Variants in HTR4 observed in about 807,000 individuals in gnomAD.
The protein encoded by HTR4 is 5-hydroxytryptamine (serotonin) receptor 4, G protein-coupled.
In HTR4, 16 loss-of-function variants were observed where a neutral mutation model predicts 36.8. The observed-to-expected ratio is 0.43, with a 90% CI of 0.29 to 0.66. HTR4 has a LOEUF of 0.66. HTR4 is among the 30% of genes least tolerant of loss of function. The probability of loss-of-function intolerance (pLI) is 0.13; values close to 1 mark genes in which losing one functional copy is unlikely to be tolerated. For missense variants in HTR4, 438 were observed against 490.9 expected, an observed-to-expected ratio of 0.89 and a Z score of 1.02; for synonymous variants, 189 against 185.1, an observed-to-expected ratio of 1.02 and a Z score of -0.17.
chr5:148,495,704 A>G (rs1410337784), intron 6 of HTR4, among the ~76,000 whole-genome samples: 1 of 152,204 alleles, frequency 6.6e-6, no homozygotes, highest in Non-Finnish European at 1.5e-5. Context: ...ATGTCTTCCA[A>G]GTGGGGAGAG....
intron 2 of HTR4, among the ~76,000 whole-genome samples, chr5:148,577,892 A>C (rs1269087853): frequency 6.6e-6 from 1 of 151,964 alleles, no homozygotes; most frequent in Non-Finnish European, 1.5e-5. Context: ...CTGGGTGATG[A>C]AATAATCTGT....
At chr5:148,579,956 C>T (rs989242730) in intron 2 of HTR4, among the ~76,000 whole-genome samples, 6 of 151,958 alleles carry the variant, frequency 3.9e-5, no homozygotes, top group Admixed American at 2.6e-4. Flanking sequence ...GATTTTGGAA[C>T]CTTAATATTA....
At chr5:148,609,451 G>A (rs1279301300) in intron 2 of HTR4, among the ~76,000 whole-genome samples, 1 of 152,102 alleles carries the variant, frequency 6.6e-6, no homozygotes, top group Non-Finnish European at 1.5e-5. Context: ...AAAATATAAG[G>A]CAAATACTTA....
chr5:148,506,470 C>G (rs1757221347), intron 6 of HTR4, among the ~76,000 whole-genome samples: 1 of 152,140 alleles, frequency 6.6e-6, no homozygotes, highest in South Asian at 2.1e-4. Flanking sequence ...TGGGCAAGGA[C>G]TACATGTCTA....
intron 5 of HTR4, among the ~76,000 whole-genome samples, chr5:148,464,785 T>C (rs1347461958): frequency 6.6e-6 from 1 of 152,194 alleles, no homozygotes; most frequent in Non-Finnish European, 1.5e-5. Flanking sequence ...CACACATGTA[T>C]ACAGGAGCTT....
In HTR4 at chr5:148,637,053, C is replaced by T. The variant is rs771017047; in HGVS notation, c.-39G>A. On this transcript the variant is annotated 5_prime_UTR_variant, in exon 2 of 7. Transcript: ENST00000377888. The stretch of plus-strand genomic sequence containing the variant: ...CATGAGTGAGTTGGATTTCAATGCC[C>T]ACAGGGTCCTAAAATGGGGGAAGTA... 19 of 1,605,680 alleles carry T rather than the reference C, an allele frequency of 1.2e-5. No homozygotes were observed. Among genetic ancestry groups the T allele is most frequent in the Non-Finnish European group, 1.5e-5 (18 of 1,173,242 alleles).
intron 2 of HTR4, among the ~76,000 whole-genome samples, chr5:148,591,399 T>C (rs142024340): frequency 1.8e-3 from 267 of 152,302 alleles, no homozygotes; most frequent in Middle Eastern, 6.8e-3. Flanking sequence ...AGAAATAACA[T>C]TGAATCTGTA....
intron 5 of HTR4, among the ~76,000 whole-genome samples, chr5:148,457,941 AAG>A (rs1491161988): frequency 7.3e-6 from 1 of 137,000 alleles, no homozygotes; most frequent in Non-Finnish European, 1.5e-5. Context: ...ATTATATTTT[AAG>A]ATATATTAAA....
At chr5:148,559,034 T>C (rs780983519) in intron 2 of HTR4, among the ~76,000 whole-genome samples, 1 of 152,164 alleles carries the variant, frequency 6.6e-6, no homozygotes, top group African/African-American at 2.4e-5. Context: ...TCAGAAAGCT[T>C]ACATGGGCCT....
chr5:148,451,645 C>A (rs979268585), intron 5 of HTR4, among the ~76,000 whole-genome samples: 7 of 152,142 alleles, frequency 4.6e-5, no homozygotes, highest in African/African-American at 1.7e-4. Flanking sequence ...TATGTCCTAT[C>A]TACCAGGGAT....
At chr5:148,500,966 G>A (rs1196914534) in intron 6 of HTR4, among the ~76,000 whole-genome samples, 1 of 152,070 alleles carries the variant, frequency 6.6e-6, no homozygotes, top group African/African-American at 2.4e-5. Context: ...TTTTAAATGA[G>A]CATACCTGTC....
downstream of HTR4, among the ~76,000 whole-genome samples, chr5:148,473,818 G>T (rs1368753984): frequency 6.6e-6 from 1 of 152,106 alleles, no homozygotes; most frequent in East Asian, 1.9e-4. Flanking sequence ...CAAAATGCAA[G>T]GTGGAATCAC....
chr5:148,537,950 C>T (rs1358245132), intron 4 of HTR4, among the ~76,000 whole-genome samples: 2 of 152,028 alleles, frequency 1.3e-5, no homozygotes, highest in South Asian at 2.1e-4. Context: ...AGGCCAGTAT[C>T]CTTACATGAA....
chr5:148,525,581 G>A (rs1482384940), intron 4 of HTR4, among the ~76,000 whole-genome samples: 1 of 152,172 alleles, frequency 6.6e-6, no homozygotes, highest in Non-Finnish European at 1.5e-5. Flanking sequence ...AGTCAGCAGA[G>A]GGCTTTTTAT....
intron 5 of HTR4, 71 bp from the exon 6 acceptor site, chr5:148,510,095 G>GA (rs1427837082): frequency 5.4e-6 from 5 of 932,566 alleles, no homozygotes; most frequent in Non-Finnish European, 8.0e-6. Flanking sequence ...AAAGAAGTGG[G>GA]AAAAATGGGG....
Position 148,600,025 on chromosome 5 carries a change from A to G in HTR4, c.26+36964T>C, listed in dbSNP as rs1257984272. On this transcript the variant is annotated intron_variant, in intron 2 of 6. Coordinates refer to ENST00000377888, the MANE Select transcript of HTR4 (RefSeq NM_000870.7). ...TCAATAAAGGAGAAAAAGCAATAAT[A>G]AAAGACAAATTTTTAGTCCAAAATA... Among the ~76,000 whole-genome samples the G allele has an allele frequency of 2.0e-5, 3 of 151,654 alleles. No homozygotes were observed. In the East Asian group the frequency reaches 5.8e-4, roughly 29 times the overall value.
At chr5:148,599,149 G>A (rs1416230547) in intron 2 of HTR4, among the ~76,000 whole-genome samples, 1 of 152,136 alleles carries the variant, frequency 6.6e-6, no homozygotes, top group Non-Finnish European at 1.5e-5. Flanking sequence ...CGATAGATGA[G>A]ATACATTGAA....
At chr5:148,454,129 C>G (rs941365842) in intron 5 of HTR4, among the ~76,000 whole-genome samples, 3 of 152,166 alleles carry the variant, frequency 2.0e-5, no homozygotes, top group African/African-American at 7.2e-5. Flanking sequence ...AACCTAGTTC[C>G]CATTCAGGCT....
chr5:148,625,190 A>T lies in HTR4; in HGVS notation c.26+11799T>A, dbSNP rs578213228. Among the ~76,000 whole-genome samples, 96 of 152,282 alleles carry T rather than the reference A, an allele frequency of 6.3e-4. 1 individual carries two copies. The highest frequency in any genetic ancestry group is 2.2e-3 in the African/African-American group (92 of 41,550). On this transcript the variant is annotated intron_variant, in intron 2 of 6. Coordinates refer to ENST00000377888, the MANE Select transcript of HTR4 (RefSeq NM_000870.7). ...AAAATGAATTGGAGTTAGGGAGTCA[A>T]AAAGGTGTTTGGAGATGATGCCAAT...
Sources: gnomAD v4.1 joint callset for allele counts (sites outside exome capture counted in the v4.1 genomes callset) on GRCh38, gnomAD v4.1.1 for gene constraint, MANE v1.5 for transcripts, NCBI Gene and HGNC (gene_info 2026-07-23, HGNC 2026-07-21) for gene names.